ITGA1: variants seen among roughly 807,000 people sequenced by gnomAD.
ITGA1 encodes integrin subunit alpha 1, also known as integrin alpha-1.
In ITGA1, 85 loss-of-function variants were observed where a neutral mutation model predicts 145.9. That is an observed-to-expected ratio of 0.58 (90% CI 0.49 to 0.70). The LOEUF (loss-of-function observed/expected upper bound fraction) is 0.70, where lower values mean the gene tolerates loss of function less well. Among genes scored for constraint, ITGA1 ranks in the 30% least tolerant of loss-of-function variants. The pLI, the probability that ITGA1 is intolerant of heterozygous loss-of-function variation, is 0.00. For synonymous variants in ITGA1, 520 were observed against 495.3 expected (o/e 1.05, Z -0.66); for missense variants, 1,351 against 1,418.7 (o/e 0.95, Z 0.77).
At chr5:52,930,585 A>G (rs1750879929) in intron 21 of ITGA1, among the ~76,000 whole-genome samples, 1 of 152,122 alleles carries the variant, frequency 6.6e-6, no homozygotes, top group Admixed American at 6.6e-5. Flanking sequence ...AAATTAATAG[A>G]AGCTGAAATA....
chr5:52,901,032 G>A (rs149547414), intron 11 of ITGA1, among the ~76,000 whole-genome samples: 11 of 152,236 alleles, frequency 7.2e-5, no homozygotes, highest in African/African-American at 2.4e-4. Flanking sequence ...TGGCAAAAGG[G>A]ACTTTTCAGA....
At chr5:52,909,960 G>C (rs3733882) in intron 13 of ITGA1, among the ~76,000 whole-genome samples, 21,682 of 152,086 alleles carry the variant, frequency 0.14, 1,915 homozygotes, top group South Asian at 0.28. Flanking sequence ...TTCCATTAAA[G>C]TATGTCTCCC....
chr5:52,848,976 G>C (rs919860143), intron 1 of ITGA1, among the ~76,000 whole-genome samples: 3 of 151,974 alleles, frequency 2.0e-5, no homozygotes, highest in African/African-American at 7.3e-5. Context: ...CCAGTCTATC[G>C]TTGATGGACA....
rs1165254788 is a variant in ITGA1 at position 52,788,289 on chromosome 5, AGCTCCCGC to A, written c.-62_-55del. On this transcript the variant is annotated 5_prime_UTR_variant, in exon 1 of 29. Transcript: ENST00000282588. ...GATAAGTGGCCCAGCCAGAGAGCGCAGCTCCCGCGCCCGGTCCTGCCCTGCGAACCAGC... is the reference window on the plus strand; with the variant it reads ...GATAAGTGGCCCAGCCAGAGAGCGCAGCCCGGTCCTGCCCTGCGAACCAGC... The A allele has an allele frequency of 9.2e-5, 118 of 1,289,120 alleles. No individual in the cohort carries two copies. The highest frequency in any genetic ancestry group is 1.2e-4 in the Non-Finnish European group (117 of 983,408). 79.9% of individuals were successfully genotyped at this position (1,289,120 alleles called of 1,614,324 possible).
intron 1 of ITGA1, among the ~76,000 whole-genome samples, chr5:52,815,254 A>T (rs1197862132): frequency 6.6e-6 from 1 of 152,208 alleles, no homozygotes; most frequent in Non-Finnish European, 1.5e-5. Context: ...AGCCAAAGTT[A>T]AAAATATAAA....
chr5:52,828,088 T>C (rs1254603647), intron 1 of ITGA1, among the ~76,000 whole-genome samples: 1 of 152,226 alleles, frequency 6.6e-6, no homozygotes, highest in Non-Finnish European at 1.5e-5. Context: ...TTTTGGCTAT[T>C]GTGAATATTA....
intron 2 of ITGA1, among the ~76,000 whole-genome samples, chr5:52,851,109 A>G (rs977879762): frequency 9.2e-5 from 14 of 152,236 alleles, no homozygotes; most frequent in African/African-American, 3.4e-4. Flanking sequence ...TAAGACTTAA[A>G]CCACCTACTT....
chr5:52,800,395 A>C (rs754654424), intron 1 of ITGA1: 5 of 1,613,708 alleles, frequency 3.1e-6, no homozygotes, highest in African/African-American at 1.3e-5. Context: ...TTCCTTGGCC[A>C]TGAAGCTCGT....
intron 1 of ITGA1, among the ~76,000 whole-genome samples, chr5:52,826,001 C>A (rs1457055763): frequency 6.6e-6 from 1 of 151,632 alleles, no homozygotes; most frequent in Non-Finnish European, 1.5e-5. Flanking sequence ...GGAAGTCACA[C>A]ATCTCTCACT....
intron 27 of ITGA1, among the ~76,000 whole-genome samples, chr5:52,946,436 C>G (rs1372085548): frequency 1.3e-5 from 2 of 152,112 alleles, no homozygotes; most frequent in East Asian, 3.8e-4. Flanking sequence ...ACATTCTTGC[C>G]AGCTCTGTCA....
At chr5:52,944,672 TG>T (rs1381732741) in intron 26 of ITGA1, among the ~76,000 whole-genome samples, 2 of 152,212 alleles carry the variant, frequency 1.3e-5, no homozygotes, top group East Asian at 1.9e-4. Flanking sequence ...GTTTGAGGTT[TG>T]TTTTTTCTAA....
At chr5:52,797,171 A>C (rs192331613) in intron 1 of ITGA1, among the ~76,000 whole-genome samples, 1 of 152,226 alleles carries the variant, frequency 6.6e-6, no homozygotes, top group Admixed American at 6.5e-5. Flanking sequence ...TACAGGCTTA[A>C]ATTACTAAGG....
chr5:52,831,372 G>C (rs1749067678), intron 1 of ITGA1, among the ~76,000 whole-genome samples: 2 of 152,108 alleles, frequency 1.3e-5, no homozygotes, highest in Admixed American at 1.3e-4. Context: ...GACCTCAAGT[G>C]ATCTGCCCAC....
At chr5:52,817,747 A>G (rs1197999281) in intron 1 of ITGA1, among the ~76,000 whole-genome samples, 2 of 152,264 alleles carry the variant, frequency 1.3e-5, no homozygotes, top group African/African-American at 4.8e-5. Context: ...AAGATAGTAC[A>G]GACTTATAAA....
At chr5:52,950,574 C>G (rs1751203453) in intron 28 of ITGA1, among the ~76,000 whole-genome samples, 1 of 152,140 alleles carries the variant, frequency 6.6e-6, no homozygotes, top group Non-Finnish European at 1.5e-5. Context: ...AAAACAAACT[C>G]TATTGGTTTC....
chr5:52,892,368 G>A (rs1408484887), intron 8 of ITGA1, among the ~76,000 whole-genome samples: 2 of 152,116 alleles, frequency 1.3e-5, no homozygotes, highest in Non-Finnish European at 2.9e-5. Context: ...CAAAGCAGCT[G>A]GATCTCTTAG....
At position 52,925,397 on chromosome 5, in the gene ITGA1, T is replaced by C. The variant is rs1367642972; in HGVS notation, c.2523T>C (p.Val841=). The C allele has an allele frequency of 6.2e-7, 1 of 1,614,070 alleles. No homozygotes were observed. Among genetic ancestry groups the C allele is most frequent in the South Asian group, 1.1e-5 (1 of 91,088 alleles). The change falls in exon 19 of 29, where the codon GTT becomes GTC. Residue 841 remains valine (V), a synonymous_variant. Transcript: ENST00000282588. ...IVRSQNDKFN[V]SLTVKNTKDS... ...GATCCCAGAATGATAAGTTCAACGT[T>C]AGCCTCACAGTCAAAAATACAAAGG...
intron 6 of ITGA1, among the ~76,000 whole-genome samples, chr5:52,872,361 T>C (rs1255038492): frequency 6.6e-6 from 1 of 152,014 alleles, no homozygotes; most frequent in African/African-American, 2.4e-5. Flanking sequence ...GCCTCTAGTC[T>C]CCATTCTCCC....
At chr5:52,886,312 C>T (rs944045766) in intron 7 of ITGA1, among the ~76,000 whole-genome samples, 7 of 152,172 alleles carry the variant, frequency 4.6e-5, no homozygotes, top group African/African-American at 1.7e-4. Flanking sequence ...TTAAGTCCTT[C>T]GAAAGGAAAA....
Sources: allele counts gnomAD v4.1 joint callset (sites outside exome capture counted in the v4.1 genomes callset), GRCh38; gene constraint gnomAD v4.1.1; transcripts MANE v1.5; gene names NCBI Gene and HGNC (gene_info 2026-07-23, HGNC 2026-07-21).